The following RBFOX1 variants were observed in gnomAD, a reference collection of about 807,000 sequenced individuals.
RBFOX1 encodes RNA binding fox-1 homolog 1.
RBFOX1 carries 8 observed loss-of-function variants against 57.7 expected under a neutral mutation model. The observed-to-expected ratio is 0.14, with a 90% CI of 0.08 to 0.25. RBFOX1 has a LOEUF of 0.25. Ranked by LOEUF, RBFOX1 falls within the 10% of genes least tolerant of loss-of-function variation. The probability of loss-of-function intolerance (pLI) is 1.00; values close to 1 mark genes in which losing one functional copy is unlikely to be tolerated. For missense variants in RBFOX1, 611 were observed against 548.5 expected, an observed-to-expected ratio of 1.11 and a Z score of -1.14; for synonymous variants, 326 against 222.4, an observed-to-expected ratio of 1.47 and a Z score of -4.15.
At chr16:6,475,988 T>G (rs778450272) in intron 2 of RBFOX1, among the ~76,000 whole-genome samples, 1 of 152,176 alleles carries the variant, frequency 6.6e-6, no homozygotes, top group Non-Finnish European at 1.5e-5. Flanking sequence ...TTTCCAGAAA[T>G]GTTAGGTGGG....
chr16:6,843,003 A>T (rs1031779676), intron 3 of RBFOX1, among the ~76,000 whole-genome samples: 1 of 152,032 alleles, frequency 6.6e-6, no homozygotes, highest in Non-Finnish European at 1.5e-5. Context: ...ATATGATCTC[A>T]TTCTTTTTTA....
intron 1 of RBFOX1, among the ~76,000 whole-genome samples, chr16:6,226,777 AT>A (rs1210421485): frequency 2.6e-5 from 4 of 152,112 alleles, no homozygotes; most frequent in African/African-American, 9.6e-5. Flanking sequence ...GTAACAGTAT[AT>A]GCCTCATGTG....
chr16:6,284,630 A>G (rs2076715679), intron 1 of RBFOX1, among the ~76,000 whole-genome samples: 2 of 152,328 alleles, frequency 1.3e-5, no homozygotes, highest in South Asian at 2.1e-4. Flanking sequence ...AAAGTTGGGT[A>G]TACTTACAGA....
intron 2 of RBFOX1, among the ~76,000 whole-genome samples, chr16:6,521,610 C>T (rs2096500269): frequency 6.6e-6 from 1 of 151,712 alleles, no homozygotes; most frequent in Non-Finnish European, 1.5e-5. Context: ...CCAGCAATCA[C>T]ACATGTTAAG....
intron 1 of RBFOX1, among the ~76,000 whole-genome samples, chr16:6,212,851 A>C (rs1044502760): frequency 2.6e-5 from 4 of 152,206 alleles, no homozygotes; most frequent in African/African-American, 9.6e-5. Flanking sequence ...TGTAACCTGA[A>C]AAAGGTAAGA....
chr16:6,350,305 G>T (rs546024257), intron 2 of RBFOX1, among the ~76,000 whole-genome samples: 2 of 151,626 alleles, frequency 1.3e-5, no homozygotes, highest in Admixed American at 6.6e-5. Context: ...GTGTGGTTGC[G>T]TTGCGCATGC....
intron 5 of RBFOX1, among the ~76,000 whole-genome samples, chr16:7,533,378 T>C (rs1056564238): frequency 1.3e-5 from 2 of 152,118 alleles, no homozygotes; most frequent in Non-Finnish European, 2.9e-5. Flanking sequence ...TCTTCCACCT[T>C]GAAACACCCA....
intron 2 of RBFOX1, among the ~76,000 whole-genome samples, chr16:6,650,669 C>G (rs2098581548): frequency 1.3e-5 from 2 of 152,174 alleles, no homozygotes; most frequent in Admixed American, 1.3e-4. Context: ...CTACATAAAA[C>G]AAGATATTTG....
intron 2 of RBFOX1, among the ~76,000 whole-genome samples, chr16:6,461,567 G>A (rs1453195875): frequency 1.3e-5 from 2 of 152,144 alleles, no homozygotes; most frequent in African/African-American, 4.8e-5. Context: ...TTGTGTGGCT[G>A]GATAAAACAG....
chr16:7,479,155 G>A (rs889309648), intron 4 of RBFOX1, among the ~76,000 whole-genome samples: 1 of 150,918 alleles, frequency 6.6e-6, no homozygotes, highest in Middle Eastern at 3.4e-3. Context: ...ACAGGGTCTC[G>A]GTCTGTTGCC....
Position 5,395,303 on chromosome 16 carries a change from C to T in RBFOX1, c.220-71913C>T, listed in dbSNP as rs575366102. On this transcript the variant is annotated intron_variant, in intron 1 of 2. Coordinates refer to the RBFOX1 transcript ENST00000585867. Reference sequence around the variant, plus strand: ...ACTCCTCCAGGAAGTTCAGGCTCTTCGTACATTCTTCTGTTAGATTCTTGC... The same window carrying T: ...ACTCCTCCAGGAAGTTCAGGCTCTTTGTACATTCTTCTGTTAGATTCTTGC... 9.8e-5 allele frequency among the ~76,000 whole-genome samples: 15 copies of T among 152,344 alleles called. No individual in the cohort carries two copies. In the South Asian group the frequency reaches 1.2e-3, roughly 13 times the overall value.
At chr16:7,692,586 T>A (rs1403965965) in intron 14 of RBFOX1, among the ~76,000 whole-genome samples, 1 of 152,202 alleles carries the variant, frequency 6.6e-6, no homozygotes, top group Non-Finnish European at 1.5e-5. Flanking sequence ...TTTTTATAAT[T>A]TGACTCAGAC....
chr16:6,357,734 A>T (rs2087632002), intron 2 of RBFOX1, among the ~76,000 whole-genome samples: 1 of 152,002 alleles, frequency 6.6e-6, no homozygotes, highest in African/African-American at 2.4e-5. Flanking sequence ...GGATCACTTG[A>T]GGTCAGGAGT....
intron 3 of RBFOX1, among the ~76,000 whole-genome samples, chr16:6,987,411 C>G (rs2153603189): frequency 6.7e-6 from 1 of 149,794 alleles, no homozygotes; most frequent in South Asian, 2.1e-4. Flanking sequence ...AGGTTATCTC[C>G]CGAGCCACTA....
At chr16:5,700,355 A>G (rs1010794229) in intron 3 of RBFOX1, among the ~76,000 whole-genome samples, 2 of 151,936 alleles carry the variant, frequency 1.3e-5, no homozygotes, top group Non-Finnish European at 2.9e-5. Flanking sequence ...ATCTAAAAAT[A>G]TCTTTGTATT....
At chr16:7,710,325 G>A (rs1200155267) in intron 15 of RBFOX1, 10 of 1,225,886 alleles carry the variant, frequency 8.2e-6, no homozygotes, top group Non-Finnish European at 1.0e-5. Context: ...AGATTATTCT[G>A]TTATAAAAAA....
At chr16:7,206,202 G>A (rs1302226951) in intron 4 of RBFOX1, among the ~76,000 whole-genome samples, 1 of 152,050 alleles carries the variant, frequency 6.6e-6, no homozygotes, top group Non-Finnish European at 1.5e-5. Flanking sequence ...ACCTTTCTAG[G>A]GAGACCCAGT....
At chr16:6,377,506 C>G (rs2091326057) in intron 2 of RBFOX1, among the ~76,000 whole-genome samples, 3 of 152,114 alleles carry the variant, frequency 2.0e-5, no homozygotes, top group African/African-American at 7.2e-5. Flanking sequence ...GCTCTGGGCC[C>G]TGGCAAGTCT....
chr16:6,753,614 C>G (rs1195809561), intron 3 of RBFOX1, among the ~76,000 whole-genome samples: 1 of 152,136 alleles, frequency 6.6e-6, no homozygotes, highest in East Asian at 1.9e-4. Flanking sequence ...TAAGTAGAAC[C>G]AGCAACAGAG....
Sources: allele counts gnomAD v4.1 joint callset (sites outside exome capture counted in the v4.1 genomes callset), GRCh38; gene constraint gnomAD v4.1.1; transcripts MANE v1.5; gene names NCBI Gene and HGNC (gene_info 2026-07-23, HGNC 2026-07-21).